CNOT6L: variants seen among roughly 807,000 people sequenced by gnomAD.
The protein encoded by CNOT6L is CCR4-NOT transcription complex subunit 6-like.
In CNOT6L, 7 loss-of-function variants were observed where a neutral mutation model predicts 64.0. That is an observed-to-expected ratio of 0.11 (90% confidence interval 0.06 to 0.21). The LOEUF (loss-of-function observed/expected upper bound fraction) is 0.21, where lower values mean the gene tolerates loss of function less well. Among genes scored for constraint, CNOT6L ranks in the 10% least tolerant of loss-of-function variants. The pLI, the probability that CNOT6L is intolerant of heterozygous loss-of-function variation, is 1.00. For missense variants in CNOT6L, 245 were observed against 669.0 expected, an observed-to-expected ratio of 0.37 and a Z score of 6.99; for synonymous variants, 193 against 243.4, an observed-to-expected ratio of 0.79 and a Z score of 1.93.
chr4:77,807,215 T>C lies in CNOT6L; in HGVS notation c.5+12089A>G, dbSNP rs555283880. ...ATCGCTTGAACCAGGGAGTCAGAGG[T>C]TGCAGTGAGCCGAGATCGCGCCACT... is the stretch of plus-strand genomic sequence containing the variant. On this transcript the variant is annotated intron_variant, in intron 1 of 11. Coordinates refer to ENST00000504123, the MANE Select transcript of CNOT6L (RefSeq NM_144571.3). Among the ~76,000 whole-genome samples the C allele has an allele frequency of 3.4e-5, 5 of 146,830 alleles. No individual in the cohort carries two copies. In the East Asian group the frequency reaches 8.0e-4, roughly 23 times the overall value.
chr4:77,778,759 G>A (rs1242841333), intron 1 of CNOT6L, among the ~76,000 whole-genome samples: 1 of 151,534 alleles, frequency 6.6e-6, no homozygotes, highest in Non-Finnish European at 1.5e-5. Context: ...TAAAACACAG[G>A]GCAGGCCGGG....
chr4:77,776,293 G>A lies in CNOT6L; in HGVS notation c.105C>T (p.His35=). ...CACCCGAGATTTCTAATTCTGCCCA[G>A]TGAGATTTTTTCCCATTGGCTACCT... ...AEEVANGKKS[H]WAELEISGRV... Residue 35 remains histidine (H), a synonymous_variant, in exon 2 of 12, where the codon CAC becomes CAT. Transcript: ENST00000504123. 1 of 1,611,368 alleles carries A rather than the reference G, an allele frequency of 6.2e-7. No homozygotes were observed. The highest frequency in any genetic ancestry group is 1.1e-5 in the South Asian group (1 of 90,962).
chr4:77,812,056 A>C (rs917568581), intron 1 of CNOT6L, among the ~76,000 whole-genome samples: 5 of 152,170 alleles, frequency 3.3e-5, no homozygotes, highest in African/African-American at 1.2e-4. Context: ...AAGGAACTAA[A>C]ATGCATCCAT....
upstream of CNOT6L, among the ~76,000 whole-genome samples, chr4:77,819,920 C>CCCGCGG (rs1010176527): frequency 3.3e-5 from 5 of 150,438 alleles, no homozygotes; most frequent in South Asian, 2.1e-4. Flanking sequence ...CAAGAGAGGC[C>CCCGCGG]CCGCGGCCGC....
chr4:77,794,309 T>G (rs1247324902), intron 1 of CNOT6L, among the ~76,000 whole-genome samples: 1 of 152,000 alleles, frequency 6.6e-6, no homozygotes, highest in Non-Finnish European at 1.5e-5. Flanking sequence ...AACATTACCC[T>G]AATATCAAAT....
At chr4:77,812,874 G>GA (rs1338415019) in intron 1 of CNOT6L, among the ~76,000 whole-genome samples, 1 of 151,500 alleles carries the variant, frequency 6.6e-6, no homozygotes, top group Non-Finnish European at 1.5e-5. Context: ...AAACAATCTT[G>GA]AAAAAGAAAA....
chr4:77,772,667 A>T, intron 4 of CNOT6L, among the ~76,000 whole-genome samples: 1 of 152,194 alleles, frequency 6.6e-6, no homozygotes, highest in Non-Finnish European at 1.5e-5. Context: ...TCACATCTGT[A>T]ATACCAGCAC....
At chr4:77,816,370 A>C in intron 1 of CNOT6L, among the ~76,000 whole-genome samples, 1 of 152,186 alleles carries the variant, frequency 6.6e-6, no homozygotes, top group Non-Finnish European at 1.5e-5. Context: ...CTTTGTTTCT[A>C]AGGTATTAAA....
chr4:77,754,878 A>G (rs964594011), intron 5 of CNOT6L, among the ~76,000 whole-genome samples: 24 of 133,006 alleles, frequency 1.8e-4, no homozygotes, highest in African/African-American at 6.5e-4. Flanking sequence ...CTAATTCTAA[A>G]CATTAGAAGT....
chr4:77,729,101 A>G lies in CNOT6L; in HGVS notation c.1025-20T>C. On this transcript the variant is annotated intron_variant, in intron 9 of 11. Coordinates refer to ENST00000504123, the MANE Select transcript of CNOT6L (RefSeq NM_144571.3). ...TCATACCTAAATTTAAACATTACAAAAAGAAGACAAAGTTATGCTTTATGT... is the reference window on the plus strand; with the variant it reads ...TCATACCTAAATTTAAACATTACAAGAAGAAGACAAAGTTATGCTTTATGT... 1 of 1,571,334 alleles carries G rather than the reference A, an allele frequency of 6.4e-7. No individual in the cohort carries two copies. Among genetic ancestry groups the G allele is most frequent in the East Asian group, 2.2e-5 (1 of 44,612 alleles).
chr4:77,786,279 T>TAA (rs11438643), intron 1 of CNOT6L, among the ~76,000 whole-genome samples: 79 of 147,560 alleles, frequency 5.4e-4, no homozygotes, highest in South Asian at 3.9e-3. Flanking sequence ...AGACTCCCTC[T>TAA]AAAAAAAAAG....
At chr4:77,739,045 T>C (rs189097160) in intron 8 of CNOT6L, among the ~76,000 whole-genome samples, 146 of 152,242 alleles carry the variant, frequency 9.6e-4, no homozygotes, top group African/African-American at 3.5e-3. Flanking sequence ...ACTAGAATAA[T>C]GTGATTTAAA....
chr4:77,746,512 C>T (rs1433948327), intron 6 of CNOT6L, among the ~76,000 whole-genome samples: 1 of 152,110 alleles, frequency 6.6e-6, no homozygotes, highest in Non-Finnish European at 1.5e-5. Context: ...AAGCACCATA[C>T]CTCACAAGAA....
chr4:77,787,477 CTT>C (rs1039378343), intron 1 of CNOT6L, among the ~76,000 whole-genome samples: 14 of 152,258 alleles, frequency 9.2e-5, no homozygotes, highest in Admixed American at 3.9e-4. Flanking sequence ...ATAAAATACT[CTT>C]GTCACTTGCC....
At chr4:77,738,912 T>C (rs1723276016) in intron 8 of CNOT6L, among the ~76,000 whole-genome samples, 1 of 152,196 alleles carries the variant, frequency 6.6e-6, no homozygotes, top group Admixed American at 6.5e-5. Context: ...TCTGGTATTT[T>C]ATCACTCAAA....
intron 1 of CNOT6L, among the ~76,000 whole-genome samples, chr4:77,794,182 T>TAAAAA (rs1730516801): frequency 6.9e-6 from 1 of 145,816 alleles, no homozygotes; most frequent in African/African-American, 2.6e-5. Flanking sequence ...AAAAAGATTT[T>TAAAAA]AGAAATAGAA....
intron 6 of CNOT6L, among the ~76,000 whole-genome samples, chr4:77,747,752 T>C (rs1417298383): frequency 6.6e-6 from 1 of 152,234 alleles, no homozygotes; most frequent in African/African-American, 2.4e-5. Context: ...CTAGAAATGC[T>C]AGATTATATC....
At chr4:77,781,011 T>C (rs1728799316) in intron 1 of CNOT6L, among the ~76,000 whole-genome samples, 1 of 151,640 alleles carries the variant, frequency 6.6e-6, no homozygotes, top group Admixed American at 6.6e-5. Flanking sequence ...TAAAAAAGAG[T>C]GAGTTCATGT....
chr4:77,774,841 A>C (rs1225569205), intron 2 of CNOT6L, 125 bp from the exon 3 acceptor site: 4 of 569,846 alleles, frequency 7.0e-6, no homozygotes, highest in Non-Finnish European at 1.2e-5. Flanking sequence ...CTGACATTTT[A>C]ATTTTTTATT....
Sources: gnomAD v4.1 joint callset for allele counts (sites outside exome capture counted in the v4.1 genomes callset) on GRCh38, gnomAD v4.1.1 for gene constraint, MANE v1.5 for transcripts, NCBI Gene and HGNC (gene_info 2026-07-23, HGNC 2026-07-21) for gene names.